LIN7A: variants seen among roughly 807,000 people sequenced by gnomAD.
LIN7A encodes protein lin-7 homolog A.
Under a neutral mutation model 29.8 loss-of-function variants are expected in LIN7A, and 25 were observed. The observed-to-expected ratio is 0.84, with a 90% confidence interval of 0.61 to 1.17. The LOEUF (loss-of-function observed/expected upper bound fraction) is 1.17. LIN7A is among the 50% of genes most tolerant of loss of function. The probability of loss-of-function intolerance (pLI) is 0.00; values close to 1 mark genes in which losing one functional copy is unlikely to be tolerated. For synonymous variants in LIN7A, 118 were observed against 107.5 expected (o/e 1.10, Z -0.60); for missense variants, 239 against 287.0 (o/e 0.83, Z 1.21).
Position 80,807,063 on chromosome 12 carries a change from G to GTTTTTTTTTTGTTTTTT in LIN7A, c.*4401_*4402insAAAAAACAAAAAAAAAA, listed in dbSNP as rs1871029199. 6.3e-4 allele frequency among the ~76,000 whole-genome samples: 34 copies of GTTTTTTTTTTGTTTTTT among 53,576 alleles called. 1 individual carries two copies. Among genetic ancestry groups the GTTTTTTTTTTGTTTTTT allele is most frequent in the Middle Eastern group, 8.6e-3 (1 of 116 alleles). 35.1% of individuals were successfully genotyped at this position (53,576 alleles called of 152,430 possible). ...CCATAGGAAATTTAATGAAGATGGA[G>GTTTTTTTTTTGTTTTTT]TTTTTTTTTTTTTTTTTTTTTTTTT... On this transcript the variant is annotated intron_variant, in intron 5 of 5. Transcript: ENST00000552864.
chr12:80,850,811 C>T (rs1490924032), intron 2 of LIN7A, among the ~76,000 whole-genome samples: 6 of 152,152 alleles, frequency 3.9e-5, no homozygotes, highest in Non-Finnish European at 8.8e-5. Flanking sequence ...TCTTGTAAAA[C>T]ATTCAATAAA....
rs1332674811 is a variant in LIN7A at position 80,796,777 on chromosome 12, A to G, written c.*950T>C. ...TCTATGACAGCACATCAGTGTGAGTAGAGTTTAGATTTCTTCAGTGTTTAT... is the reference window on the plus strand; with the variant it reads ...TCTATGACAGCACATCAGTGTGAGTGGAGTTTAGATTTCTTCAGTGTTTAT... On this transcript the variant is annotated 3_prime_UTR_variant, in exon 6 of 6. Coordinates refer to ENST00000552864, the MANE Select transcript of LIN7A (RefSeq NM_004664.4). 1 of 152,206 alleles carries G rather than the reference A, an allele frequency of 6.6e-6. No individual in the cohort carries two copies. Among genetic ancestry groups the G allele is most frequent in the African/African-American group, 2.4e-5 (1 of 41,462 alleles). The allele number at this position is 152,206 out of a possible 1,614,324, so 9.4% of individuals were successfully genotyped here.
intron 5 of LIN7A, among the ~76,000 whole-genome samples, chr12:80,804,862 ATT>A (rs1870901535): frequency 1.3e-5 from 2 of 152,058 alleles, no homozygotes; most frequent in Admixed American, 1.3e-4. Context: ...CATGAATCTC[ATT>A]CTCTTTTATT....
At chr12:80,868,753 T>C (rs1047787724) in intron 2 of LIN7A, among the ~76,000 whole-genome samples, 2 of 152,184 alleles carry the variant, frequency 1.3e-5, no homozygotes, top group African/African-American at 4.8e-5. Flanking sequence ...GCAGAGCCCA[T>C]TGCTAAGCTT....
At chr12:80,930,653 A>G (rs1386608115) in intron 1 of LIN7A, among the ~76,000 whole-genome samples, 2 of 152,224 alleles carry the variant, frequency 1.3e-5, no homozygotes, top group African/African-American at 4.8e-5. Flanking sequence ...TTAAAACAGC[A>G]GGGTAAATGC....
chr12:80,913,305 AG>A (rs1373314346), intron 1 of LIN7A, among the ~76,000 whole-genome samples: 2 of 152,250 alleles, frequency 1.3e-5, no homozygotes, highest in African/African-American at 4.8e-5. Context: ...CAGTTTAAAA[AG>A]GTTTTGTTTC....
chr12:80,845,898 G>T lies in LIN7A; in HGVS notation c.315C>A (p.His105Gln). Residue 105 changes from histidine (H) to glutamine (Q), a missense_variant, in exon 4 of 6, where the codon CAC (histidine) becomes CAA (glutamine). Physicochemically the swap from His to Gln is conservative, Grantham distance 24. Coordinates refer to ENST00000552864, the MANE Select transcript of LIN7A (RefSeq NM_004664.4). ...AAFAASEGHS[H>Q]PRVVELPKTD... ...TCTTTGGCAGTTCAACTACTCGAGG[G>T]TGGGAGTGGCCTTCACTAGCTGCAA... 6.2e-7 allele frequency: 1 copy of T among 1,611,460 alleles called. No homozygotes were observed. The highest frequency in any genetic ancestry group is 1.1e-5 in the South Asian group (1 of 90,698).
intron 4 of LIN7A, among the ~76,000 whole-genome samples, chr12:80,834,931 C>A (rs889968518): frequency 4.6e-5 from 7 of 152,130 alleles, no homozygotes; most frequent in African/African-American, 1.7e-4. Context: ...AGTCTGTAGA[C>A]CAGCATAAAT....
At chr12:80,836,110 T>C (rs1872579856) in intron 4 of LIN7A, among the ~76,000 whole-genome samples, 1 of 152,228 alleles carries the variant, frequency 6.6e-6, no homozygotes, top group Non-Finnish European at 1.5e-5. Context: ...AGATTCCTAA[T>C]GCACTTAGAG....
intron 5 of LIN7A, among the ~76,000 whole-genome samples, chr12:80,811,165 A>G (rs184749865): frequency 5.3e-5 from 8 of 152,310 alleles, no homozygotes; most frequent in Non-Finnish European, 1.2e-4. Flanking sequence ...CTTAATTTGT[A>G]TAAAAGCATC....
chr12:80,899,361 T>A (rs1199174109), intron 1 of LIN7A, among the ~76,000 whole-genome samples: 1 of 152,228 alleles, frequency 6.6e-6, no homozygotes, highest in Non-Finnish European at 1.5e-5. Flanking sequence ...AACTTTTTGA[T>A]GTGATGCTGG....
At chr12:80,886,243 C>T (rs1214753649) in intron 2 of LIN7A, among the ~76,000 whole-genome samples, 1 of 151,480 alleles carries the variant, frequency 6.6e-6, no homozygotes, top group Non-Finnish European at 1.5e-5. Flanking sequence ...GTACCCAAGA[C>T]ACCAGAAGAG....
intron 1 of LIN7A, among the ~76,000 whole-genome samples, chr12:80,907,299 T>A (rs1340724292): frequency 6.6e-6 from 1 of 152,176 alleles, no homozygotes; most frequent in African/African-American, 2.4e-5. Flanking sequence ...TTTTAACATT[T>A]ATTATTTGCT....
intron 2 of LIN7A, among the ~76,000 whole-genome samples, chr12:80,872,925 G>A (rs532295276): frequency 2.0e-5 from 3 of 152,270 alleles, no homozygotes; most frequent in Admixed American, 6.5e-5. Flanking sequence ...ACAGAATATC[G>A]TTTTGATCAG....
chr12:80,836,354 T>C (rs574648964), intron 4 of LIN7A, among the ~76,000 whole-genome samples: 4 of 152,336 alleles, frequency 2.6e-5, no homozygotes, highest in South Asian at 4.1e-4. Context: ...AGAGGCCATT[T>C]CTAACACTAT....
chr12:80,898,423 C>CT (rs1379599624), intron 1 of LIN7A, among the ~76,000 whole-genome samples: 1 of 151,566 alleles, frequency 6.6e-6, no homozygotes, highest in Non-Finnish European at 1.5e-5. Flanking sequence ...AGCTCTGTGG[C>CT]TTTTTTGTTT....
intron 1 of LIN7A, among the ~76,000 whole-genome samples, chr12:80,897,865 T>A (rs1875993234): frequency 6.6e-6 from 1 of 152,160 alleles, no homozygotes; most frequent in Admixed American, 6.5e-5. Context: ...ATATTAAATA[T>A]TGATTTATTA....
At chr12:80,887,453 A>G (rs1314126636) in intron 2 of LIN7A, among the ~76,000 whole-genome samples, 1 of 152,150 alleles carries the variant, frequency 6.6e-6, no homozygotes, top group Non-Finnish European at 1.5e-5. Flanking sequence ...ATGGCCTGCC[A>G]GGCCTATGTG....
intron 4 of LIN7A, among the ~76,000 whole-genome samples, chr12:80,818,556 A>G (rs1592859621): frequency 1.3e-5 from 2 of 152,350 alleles, no homozygotes; most frequent in East Asian, 3.9e-4. Context: ...ATAAAATAAT[A>G]AAGAAAAAGT....
Sources: allele counts gnomAD v4.1 joint callset (sites outside exome capture counted in the v4.1 genomes callset), GRCh38; gene constraint gnomAD v4.1.1; transcripts MANE v1.5; gene names NCBI Gene and HGNC (gene_info 2026-07-23, HGNC 2026-07-21).